The following FBXL5 variants were observed in gnomAD, a reference collection of about 807,000 sequenced individuals.
FBXL5 encodes F-box/LRR-repeat protein 5.
FBXL5 carries 26 observed loss-of-function variants against 78.3 expected under a neutral mutation model. That is an observed-to-expected ratio of 0.33 (90% confidence interval 0.24 to 0.46). The LOEUF (loss-of-function observed/expected upper bound fraction) is 0.46. Ranked by LOEUF, FBXL5 falls within the 20% of genes least tolerant of loss-of-function variation. The pLI, the probability that FBXL5 is intolerant of heterozygous loss-of-function variation, is 1.00. For missense variants in FBXL5, 710 were observed against 829.2 expected (o/e 0.86, Z 1.77); for synonymous variants, 295 against 282.5 (o/e 1.04, Z -0.45).
At chr4:15,605,935 T>C in intron 10 of FBXL5, 136 bp from the exon 11 acceptor site, 4 of 638,476 alleles carry the variant, frequency 6.3e-6, no homozygotes, top group Non-Finnish European at 1.1e-5. Context: ...TCATGATAAG[T>C]GTATAAGAAA....
intron 1 of FBXL5, among the ~76,000 whole-genome samples, chr4:15,666,340 C>T (rs2148791349): frequency 6.6e-6 from 1 of 152,064 alleles, no homozygotes; most frequent in South Asian, 2.1e-4. Flanking sequence ...GTCCAGCCTG[C>T]AATGAGCCAT....
At chr4:15,677,814 G>A (rs1203999365) in intron 1 of FBXL5, among the ~76,000 whole-genome samples, 1 of 152,184 alleles carries the variant, frequency 6.6e-6, no homozygotes, top group Non-Finnish European at 1.5e-5. Context: ...CAAACTTGGG[G>A]AGTAGGTCAT....
intron 9 of FBXL5, among the ~76,000 whole-genome samples, chr4:15,613,545 T>C (rs1722413167): frequency 6.6e-6 from 1 of 152,022 alleles, no homozygotes; most frequent in East Asian, 1.9e-4. Flanking sequence ...AATTCTCTTC[T>C]TCCTTGGGAA....
chr4:15,651,035 T>C (rs149755665), intron 1 of FBXL5, among the ~76,000 whole-genome samples: 396 of 152,308 alleles, frequency 2.6e-3, no homozygotes, highest in Non-Finnish European at 4.2e-3. Context: ...GACGATACAG[T>C]ACATTCAAAA....
intron 8 of FBXL5, among the ~76,000 whole-genome samples, 174 bp downstream of exon 8, chr4:15,626,699 G>A: frequency 6.6e-6 from 1 of 152,316 alleles, no homozygotes; most frequent in East Asian, 1.9e-4. Flanking sequence ...GGGATTTTTG[G>A]ATCAGCTGGG....
At chr4:15,672,665 G>A (rs11933521) in intron 1 of FBXL5, among the ~76,000 whole-genome samples, 43,457 of 152,042 alleles carry the variant, frequency 0.29, 6,446 homozygotes, top group East Asian at 0.47. Flanking sequence ...AGTGGTGAGT[G>A]AAAGTGAAGG....
At chr4:15,636,390 T>C in intron 5 of FBXL5, 104 bp downstream of exon 5, 2 of 935,790 alleles carry the variant, frequency 2.1e-6, no homozygotes, top group South Asian at 6.3e-5. Flanking sequence ...AATCTACTTT[T>C]TGATTGACCT....
intron 1 of FBXL5, among the ~76,000 whole-genome samples, chr4:15,654,149 C>A (rs534393556): frequency 6.6e-5 from 10 of 152,158 alleles, no homozygotes; most frequent in Non-Finnish European, 1.3e-4. Flanking sequence ...TATGAAACAC[C>A]CCTCTTTTCT....
chr4:15,610,149 T>C (rs1199280972), intron 10 of FBXL5, among the ~76,000 whole-genome samples: 3 of 152,036 alleles, frequency 2.0e-5, no homozygotes, highest in Non-Finnish European at 4.4e-5. Flanking sequence ...TCACTAGATA[T>C]CTACTGTACA....
chr4:15,660,490 T>C (rs1717252737), upstream of FBXL5, among the ~76,000 whole-genome samples: 2 of 152,208 alleles, frequency 1.3e-5, no homozygotes, highest in Non-Finnish European at 2.9e-5. Context: ...AGAGATGTCA[T>C]GTATACATCT....
At chr4:15,653,883 T>C (rs1716464075) in intron 1 of FBXL5, among the ~76,000 whole-genome samples, 1 of 152,152 alleles carries the variant, frequency 6.6e-6, no homozygotes, top group African/African-American at 2.4e-5. Flanking sequence ...AAATCCTAAT[T>C]TTAGTGACCT....
chr4:15,625,003 A>AC (rs1184374252), intron 9 of FBXL5, among the ~76,000 whole-genome samples: 1 of 152,216 alleles, frequency 6.6e-6, no homozygotes, highest in African/African-American at 2.4e-5. Context: ...GTAGCCATTT[A>AC]CTAAGTATTT....
At chr4:15,679,859 T>A (rs1239913602) in intron 1 of FBXL5, among the ~76,000 whole-genome samples, 1 of 152,148 alleles carries the variant, frequency 6.6e-6, no homozygotes, top group Admixed American at 6.6e-5. Flanking sequence ...ATATCTATCA[T>A]ATTTGCAAAC....
chr4:15,615,096 T>C (rs902110143), intron 9 of FBXL5, among the ~76,000 whole-genome samples: 4 of 152,104 alleles, frequency 2.6e-5, no homozygotes, highest in African/African-American at 9.7e-5. Context: ...CCCCCAGCAG[T>C]GCCAGCCCAC....
intron 2 of FBXL5, among the ~76,000 whole-genome samples, chr4:15,643,356 T>G (rs80319908): frequency 0.011 from 1,695 of 152,374 alleles, 13 homozygotes; most frequent in Non-Finnish European, 0.018. Context: ...AGTTGTAACT[T>G]AAGCTTACGC....
chr4:15,639,173 T>G (rs183058994), intron 3 of FBXL5, among the ~76,000 whole-genome samples: 10 of 152,230 alleles, frequency 6.6e-5, no homozygotes, highest in Admixed American at 1.3e-4. Context: ...TCCAGAAAAA[T>G]AAATAAATAA....
At chr4:15,622,660 T>TA (rs1212323417) in intron 9 of FBXL5, among the ~76,000 whole-genome samples, 1 of 131,096 alleles carries the variant, frequency 7.6e-6, no homozygotes, top group Non-Finnish European at 1.8e-5. Context: ...AGAATTGTCT[T>TA]AGTTACTCTA....
intron 3 of FBXL5, among the ~76,000 whole-genome samples, chr4:15,639,776 G>A (rs1714652930): frequency 6.6e-6 from 1 of 152,136 alleles, no homozygotes; most frequent in South Asian, 2.1e-4. Flanking sequence ...GATGTAATTT[G>A]TCTGAAAAGG....
chr4:15,647,089 G>T (rs188435620), intron 1 of FBXL5, among the ~76,000 whole-genome samples: 1 of 151,370 alleles, frequency 6.6e-6, no homozygotes, highest in Admixed American at 6.6e-5. Flanking sequence ...AGGGAGTGGT[G>T]GTGTGCACCT....
Sources: allele counts gnomAD v4.1 joint callset (sites outside exome capture counted in the v4.1 genomes callset), GRCh38; gene constraint gnomAD v4.1.1; transcripts MANE v1.5; gene names NCBI Gene and HGNC (gene_info 2026-07-23, HGNC 2026-07-21).